VWA8: variants seen among roughly 807,000 people sequenced by gnomAD.
The protein encoded by VWA8 is von Willebrand factor A domain containing 8, also known as von Willebrand factor A domain-containing protein 8.
VWA8 carries 221 observed loss-of-function variants against 241.5 expected under a neutral mutation model. The ratio of observed to expected loss-of-function variants is 0.91; its 90% CI spans 0.82 to 1.02. The LOEUF (loss-of-function observed/expected upper bound fraction) is 1.02. Ranked by LOEUF, VWA8 falls within the 50% of genes least tolerant of loss-of-function variation. The pLI is 0.00. For synonymous variants in VWA8, 852 were observed against 827.1 expected, an observed-to-expected ratio of 1.03 and a Z score of -0.52; for missense variants, 2,322 against 2,328.7, an observed-to-expected ratio of 1.00 and a Z score of 0.06.
chr13:41,785,890 C>A (rs1234562340), intron 18 of VWA8, among the ~76,000 whole-genome samples: 2 of 152,098 alleles, frequency 1.3e-5, no homozygotes, highest in Non-Finnish European at 2.9e-5. Flanking sequence ...CAGATTCAAA[C>A]AGCATCTGAT....
intron 2 of VWA8, among the ~76,000 whole-genome samples, chr13:41,917,479 T>C (rs930807997): frequency 1.3e-5 from 2 of 152,226 alleles, no homozygotes; most frequent in African/African-American, 4.8e-5. Flanking sequence ...CACGCAGATT[T>C]GTAGTTTCCT....
Position 41,917,545 on chromosome 13 carries a change from G to A in VWA8, c.242-5377C>T, listed in dbSNP as rs1302327035. Among the ~76,000 whole-genome samples, 2 of 152,134 alleles carry A rather than the reference G, an allele frequency of 1.3e-5. 1 individual carries two copies. Among genetic ancestry groups the A allele is most frequent in the South Asian group, 4.1e-4 (2 of 4,824 alleles). On this transcript the variant is annotated intron_variant, in intron 2 of 44. Transcript: ENST00000379310. ...TGAGTATGGTTTGTGAGGATTATAGGTAAAGCACCATGCCCAGTCCCTCAG... is the reference window on the plus strand; with the variant it reads ...TGAGTATGGTTTGTGAGGATTATAGATAAAGCACCATGCCCAGTCCCTCAG...
chr13:41,705,358 T>G (rs1255634542), intron 26 of VWA8, among the ~76,000 whole-genome samples: 1 of 152,218 alleles, frequency 6.6e-6, no homozygotes, highest in Non-Finnish European at 1.5e-5. Flanking sequence ...TTCTCTCTTT[T>G]GAATGTAATA....
intron 12 of VWA8, 73 bp downstream of exon 12, chr13:41,865,663 T>C: frequency 6.6e-7 from 1 of 1,516,128 alleles, no homozygotes; most frequent in Non-Finnish European, 9.0e-7. Context: ...AACAAGAAGA[T>C]ATCCATAAAT....
At chr13:41,945,291 A>C (rs1042832484) in intron 2 of VWA8, among the ~76,000 whole-genome samples, 5 of 152,108 alleles carry the variant, frequency 3.3e-5, no homozygotes, top group African/African-American at 9.7e-5. Flanking sequence ...AAAAAAAAAA[A>C]CAGCAACACA....
chr13:41,666,401 A>G (rs937679245), intron 37 of VWA8, among the ~76,000 whole-genome samples: 2 of 152,108 alleles, frequency 1.3e-5, no homozygotes, highest in Non-Finnish European at 2.9e-5. Flanking sequence ...CCCTATCACC[A>G]TCTTACTGCC....
chr13:41,653,264 G>A (rs940162107), intron 37 of VWA8, among the ~76,000 whole-genome samples: 3 of 152,102 alleles, frequency 2.0e-5, no homozygotes, highest in African/African-American at 7.2e-5. Flanking sequence ...TACCAGTAAC[G>A]TCCAAGCTGA....
Position 41,961,087 on chromosome 13 carries a change from G to A in VWA8, c.-72C>T, listed in dbSNP as rs997531146. The A allele has an allele frequency of 8.4e-5, 110 of 1,302,790 alleles. No homozygotes were observed. The highest frequency in any genetic ancestry group is 2.8e-4 in the Middle Eastern group (1 of 3,572). 80.7% of individuals were successfully genotyped at this position (1,302,790 alleles called of 1,614,324 possible). On this transcript the variant is annotated 5_prime_UTR_variant, in exon 1 of 45. Transcript: ENST00000379310. ...GCGGCGTCCCGTGCAGGCACCGTGA[G>A]GCAGCGCGGAGAAGGGGACAGGAAG...
chr13:41,890,307 C>G (rs1874771998), intron 5 of VWA8, among the ~76,000 whole-genome samples: 1 of 152,196 alleles, frequency 6.6e-6, no homozygotes, highest in South Asian at 2.1e-4. Flanking sequence ...TGCAACCAAC[C>G]TGGGGTAGTA....
chr13:41,647,086 C>T (rs1593671842), intron 37 of VWA8, among the ~76,000 whole-genome samples: 1 of 152,288 alleles, frequency 6.6e-6, no homozygotes, highest in East Asian at 1.9e-4. Flanking sequence ...TTACCTTTTC[C>T]TCACATATTA....
intron 2 of VWA8, among the ~76,000 whole-genome samples, chr13:41,916,148 A>G (rs558135023): frequency 6.6e-6 from 1 of 152,338 alleles, no homozygotes; most frequent in East Asian, 1.9e-4. Flanking sequence ...TGTTATGAGG[A>G]TTATATTAAG....
intron 37 of VWA8, among the ~76,000 whole-genome samples, chr13:41,619,310 CA>C: frequency 6.6e-6 from 1 of 152,288 alleles, no homozygotes; most frequent in East Asian, 1.9e-4. Flanking sequence ...GATTTTTGCA[CA>C]TTGATTTTGT....
intron 29 of VWA8, among the ~76,000 whole-genome samples, chr13:41,694,947 T>C (rs1297243092): frequency 6.6e-6 from 1 of 152,182 alleles, no homozygotes; most frequent in Non-Finnish European, 1.5e-5. Context: ...GTATTTAGAA[T>C]TAGTTTATAA....
At position 41,830,697 on chromosome 13, in the gene VWA8, G is replaced by C. The variant is rs1429646499; in HGVS notation, c.1587-55C>G. 7 of 1,465,184 alleles carry C rather than the reference G, an allele frequency of 4.8e-6. No individual in the cohort carries two copies. In the East Asian group the frequency reaches 1.6e-4, roughly 34 times the overall value. The allele number at this position is 1,465,184 out of a possible 1,614,324, so 90.8% of individuals were successfully genotyped here. A position where few individuals can be genotyped will look rare whatever the true frequency, so the allele number is the denominator to read the frequency against. On this transcript the variant is annotated intron_variant, in intron 13 of 44. Transcript: ENST00000379310. ...AAATTAATGTGTTTTGAACACTGAA[G>C]TTTTCAGAGGCAGAATCAGTCAGCC...
intron 9 of VWA8, among the ~76,000 whole-genome samples, chr13:41,871,503 T>G (rs1463970368): frequency 1.3e-5 from 2 of 152,198 alleles, no homozygotes; most frequent in African/African-American, 4.8e-5. Flanking sequence ...CCCCTTCCTG[T>G]GTCCATGTGT....
intron 21 of VWA8, among the ~76,000 whole-genome samples, chr13:41,737,298 T>A (rs186757164): frequency 1.2e-4 from 18 of 152,244 alleles, no homozygotes; most frequent in Non-Finnish European, 1.3e-4. Flanking sequence ...TCACAAGACC[T>A]ATTTTAAAAT....
rs374895334 is a variant in VWA8 at position 41,690,219 on chromosome 13, T to C, written c.3923A>G (p.Gln1308Arg). Residue 1308 changes from glutamine to arginine, a missense_variant, in exon 33 of 45, where the codon CAG (glutamine) becomes CGG (arginine). Transcript: ENST00000379310. ...CGGCTCCTCTTTCAGCACATACAAC[T>C]GGCAAACCCCACTACCCTCAGATTC... Reference protein sequence around the residue: ...HIESEGSGVCQLYVLKEEPPS... With the variant: ...HIESEGSGVCRLYVLKEEPPS... The C allele has an allele frequency of 9.2e-5, 148 of 1,612,642 alleles. No individual in the cohort carries two copies. The highest frequency in any genetic ancestry group is 1.2e-4 in the Non-Finnish European group (144 of 1,179,078).
chr13:41,698,653 A>T (rs1000668807), intron 29 of VWA8, among the ~76,000 whole-genome samples: 2 of 152,066 alleles, frequency 1.3e-5, no homozygotes, highest in Non-Finnish European at 2.9e-5. Flanking sequence ...TTTTAATACC[A>T]TTCACCTCAA....
At chr13:41,725,499 A>G (rs956225282) in intron 24 of VWA8, among the ~76,000 whole-genome samples, 16 of 152,214 alleles carry the variant, frequency 1.1e-4, no homozygotes. Context: ...AGGAGCCAAG[A>G]GGCCAGAGAG....
Sources: gnomAD v4.1 joint callset for allele counts (sites outside exome capture counted in the v4.1 genomes callset) on GRCh38, gnomAD v4.1.1 for gene constraint, MANE v1.5 for transcripts, NCBI Gene and HGNC (gene_info 2026-07-23, HGNC 2026-07-21) for gene names.